Variants in UNC5D observed in about 807,000 individuals in gnomAD.
The protein encoded by UNC5D is unc-5 netrin receptor D.
UNC5D carries 39 observed loss-of-function variants against 105.4 expected under a neutral mutation model. That is an observed-to-expected ratio of 0.37 (90% confidence interval 0.29 to 0.48). UNC5D has a LOEUF of 0.48. Among genes scored for constraint, UNC5D ranks in the 20% least tolerant of loss-of-function variants. The pLI is 0.98. For synonymous variants in UNC5D, 452 were observed against 450.4 expected, an observed-to-expected ratio of 1.00 and a Z score of -0.04; for missense variants, 991 against 1,202.4, an observed-to-expected ratio of 0.82 and a Z score of 2.60.
chr8:35,753,722 A>G (rs1385181515), intron 13 of UNC5D, among the ~76,000 whole-genome samples: 1 of 152,158 alleles, frequency 6.6e-6, no homozygotes, highest in Non-Finnish European at 1.5e-5. Flanking sequence ...TATTGACAGG[A>G]TGTATATGAC....
chr8:35,465,193 C>T (rs1809210230), intron 1 of UNC5D, among the ~76,000 whole-genome samples: 1 of 152,180 alleles, frequency 6.6e-6, no homozygotes, highest in Non-Finnish European at 1.5e-5. Context: ...GGGTTCCAGA[C>T]CAGCATGGGC....
chr8:35,403,571 A>T (rs1804611170), intron 1 of UNC5D, among the ~76,000 whole-genome samples: 1 of 152,230 alleles, frequency 6.6e-6, no homozygotes, highest in African/African-American at 2.4e-5. Flanking sequence ...GGCAAAACAC[A>T]TAACAATTGA....
intron 1 of UNC5D, among the ~76,000 whole-genome samples, chr8:35,291,234 G>A (rs1295746577): frequency 6.6e-6 from 1 of 152,090 alleles, no homozygotes; most frequent in African/African-American, 2.4e-5. Context: ...GAAACAAACT[G>A]AAAGAGAAGG....
chr8:35,325,935 A>G (rs1205948580), intron 1 of UNC5D, among the ~76,000 whole-genome samples: 1 of 152,194 alleles, frequency 6.6e-6, no homozygotes, highest in Non-Finnish European at 1.5e-5. Flanking sequence ...AAGTTTACAC[A>G]GCAAATACCA....
At chr8:35,751,781 G>C (rs531030849) in intron 13 of UNC5D, among the ~76,000 whole-genome samples, 1 of 152,282 alleles carries the variant, frequency 6.6e-6, no homozygotes, top group East Asian at 1.9e-4. Context: ...GCAGAACATT[G>C]TGTGCTAAAT....
At chr8:35,247,601 TATAA>T (rs1386905664) in intron 1 of UNC5D, among the ~76,000 whole-genome samples, 2 of 98,816 alleles carry the variant, frequency 2.0e-5, no homozygotes, top group African/African-American at 4.1e-5. Flanking sequence ...ATATATAATA[TATAA>T]ATATATATTA....
chr8:35,370,274 G>A (rs548293975), intron 1 of UNC5D, among the ~76,000 whole-genome samples: 80 of 152,308 alleles, frequency 5.3e-4, no homozygotes, highest in African/African-American at 1.3e-3. Flanking sequence ...GTGCTCTGCC[G>A]TGGCATATGG....
At position 35,369,156 on chromosome 8, in the gene UNC5D, G is replaced by A. The variant is rs148174545; in HGVS notation, c.103+133269G>A. Among the ~76,000 whole-genome samples the A allele has an allele frequency of 3.8e-3, 575 of 152,264 alleles. 8 individuals carry two copies. Among genetic ancestry groups the A allele is most frequent in the African/African-American group, 0.013 (542 of 41,540 alleles). ...CAATTTTAAAGTGTAGAGAAACAGT[G>A]TTGGTGGTGAGTATACTGTAATTAA... On this transcript the variant is annotated intron_variant, in intron 1 of 16. Transcript: ENST00000404895.
chr8:35,695,677 T>C lies in UNC5D; in HGVS notation c.1084+8968T>C, dbSNP rs575270927. On this transcript the variant is annotated intron_variant, in intron 7 of 16. Coordinates refer to ENST00000404895, the MANE Select transcript of UNC5D (RefSeq NM_080872.4). ...TTCTCTCATTCATAAGAAATACATG[T>C]ATTCTGACAACCTGGCCAGAAAGTA... 1.3e-4 allele frequency among the ~76,000 whole-genome samples: 20 copies of C among 152,132 alleles called. No homozygotes were observed. The South Asian group carries it at 3.3e-3, about 25-fold the overall frequency.
chr8:35,351,599 A>G (rs1812242577), intron 1 of UNC5D, among the ~76,000 whole-genome samples: 1 of 152,044 alleles, frequency 6.6e-6, no homozygotes, highest in African/African-American at 2.4e-5. Context: ...GTGCATAAAG[A>G]CTGAGGATTA....
intron 1 of UNC5D, among the ~76,000 whole-genome samples, chr8:35,529,780 GAT>G (rs1489181762): frequency 1.2e-3 from 159 of 134,798 alleles, no homozygotes; most frequent in African/African-American, 4.2e-3. Context: ...TTGTAAGTTG[GAT>G]TCCTAGGTAT....
chr8:35,611,822 T>C (rs1407448133), intron 4 of UNC5D, among the ~76,000 whole-genome samples: 1 of 152,236 alleles, frequency 6.6e-6, no homozygotes, highest in Non-Finnish European at 1.5e-5. Flanking sequence ...CACTTTTTTA[T>C]ACTCCCTAAT....
At chr8:35,643,799 G>A (rs912106544) in intron 4 of UNC5D, among the ~76,000 whole-genome samples, 1 of 152,216 alleles carries the variant, frequency 6.6e-6, no homozygotes, top group East Asian at 1.9e-4. Flanking sequence ...TGGAGTAGGC[G>A]ATGAAATCTG....
intron 1 of UNC5D, among the ~76,000 whole-genome samples, chr8:35,434,104 A>G (rs1806838028): frequency 6.6e-6 from 1 of 152,056 alleles, no homozygotes. Flanking sequence ...TAAAGCACTA[A>G]AATCTATTGA....
At chr8:35,280,703 T>C (rs1418436463) in intron 1 of UNC5D, among the ~76,000 whole-genome samples, 8 of 152,246 alleles carry the variant, frequency 5.3e-5, no homozygotes, top group Non-Finnish European at 1.0e-4. Context: ...ATTTACAGTC[T>C]AGTTTACTAC....
At chr8:35,533,638 C>T (rs959821666) in intron 1 of UNC5D, among the ~76,000 whole-genome samples, 42 of 152,340 alleles carry the variant, frequency 2.8e-4, no homozygotes, top group Non-Finnish European at 5.0e-4. Context: ...GGGCGCCCCT[C>T]CCCCAGCCTC....
At chr8:35,303,007 A>G (rs1205986527) in intron 1 of UNC5D, among the ~76,000 whole-genome samples, 5 of 152,140 alleles carry the variant, frequency 3.3e-5, no homozygotes, top group Non-Finnish European at 7.4e-5. Flanking sequence ...AAAAAAGAGA[A>G]AAAGAAACAG....
intron 11 of UNC5D, among the ~76,000 whole-genome samples, chr8:35,737,744 A>C (rs1233536421): frequency 6.6e-6 from 1 of 152,184 alleles, no homozygotes. Flanking sequence ...AACTCATTGA[A>C]GTGAACTGAT....
chr8:35,343,430 T>C (rs1390891738), intron 1 of UNC5D, among the ~76,000 whole-genome samples: 3 of 152,152 alleles, frequency 2.0e-5, no homozygotes, highest in Admixed American at 6.6e-5. Context: ...TCACTCAATA[T>C]TGAATACTTT....
Sources: gnomAD v4.1 joint callset for allele counts (sites outside exome capture counted in the v4.1 genomes callset) on GRCh38, gnomAD v4.1.1 for gene constraint, MANE v1.5 for transcripts, NCBI Gene and HGNC (gene_info 2026-07-23, HGNC 2026-07-21) for gene names.